ADM: variants seen among roughly 807,000 people sequenced by gnomAD.
ADM encodes the protein adrenomedullin, also known as pro-adrenomedullin.
Under a neutral mutation model 9.0 loss-of-function variants are expected in ADM, and 4 were observed. The observed-to-expected ratio is 0.44, with a 90% CI of 0.22 to 1.02. The LOEUF is 1.02. Ranked by LOEUF, ADM falls within the 50% of genes least tolerant of loss-of-function variation. The pLI, the probability that ADM is intolerant of heterozygous loss-of-function variation, is 0.24. For synonymous variants in ADM, 107 were observed against 107.2 expected (o/e 1.00, Z 0.01); for missense variants, 253 against 254.1 (o/e 1.00, Z 0.03).
In ADM at chr11:10,305,796, G is replaced by T; in HGVS notation, c.96G>T (p.Lys32Asn). 1 of 1,614,160 alleles carries T rather than the reference G, an allele frequency of 6.2e-7. No individual in the cohort carries two copies. The highest frequency in any genetic ancestry group is 2.2e-5 in the East Asian group (1 of 44,866). Reference protein sequence around the residue: ...ARLDVASEFRKKWNKWALSRG... With the variant: ...ARLDVASEFRNKWNKWALSRG... ...TGGATGTCGCGTCGGAGTTTCGAAA[G>T]AAGTGAGTCCGGGCAGCGCCTTCCC... Residue 32 changes from lysine (K) to asparagine (N), a missense_variant and splice_region_variant, in exon 2 of 4, where the codon AAG becomes AAT. Physicochemically the swap from Lys to Asn is moderately conservative, Grantham distance 94. Coordinates refer to ENST00000278175, the MANE Select transcript of ADM (RefSeq NM_001124.3).
In ADM at chr11:10,306,788, C is replaced by A; in HGVS notation, c.*147C>A. 1 of 798,736 alleles carries A rather than the reference C, an allele frequency of 1.3e-6. No individual in the cohort carries two copies. The highest frequency in any genetic ancestry group is 1.8e-6 in the Non-Finnish European group (1 of 541,418). 49.5% of individuals were successfully genotyped at this position (798,736 alleles called of 1,614,324 possible). A position where few individuals can be genotyped will look rare whatever the true frequency, so the allele number is the denominator to read the frequency against. On this transcript the variant is annotated 3_prime_UTR_variant, in exon 4 of 4. Transcript: ENST00000278175. ...CCGGGAGGCACCGTCCGGCGGCGAG[C>A]TCTGGCTTTGCAAGGGCCCCTCCTT...
chr11:10,306,389 C>G lies in ADM; in HGVS notation c.306C>G (p.Phe102Leu). 2 of 1,612,902 alleles carry G rather than the reference C, an allele frequency of 1.2e-6. No individual in the cohort carries two copies. Among genetic ancestry groups the G allele is most frequent in the Non-Finnish European group, 1.7e-6 (2 of 1,179,832 alleles). The change falls in exon 4 of 4, where the codon TTC becomes TTG. Residue 102 changes from phenylalanine (F) to leucine (L), a missense_variant. By Grantham distance (22) the Phe-to-Leu change is conservative (BLOSUM62 0). Transcript: ENST00000278175. ...VKRYRQSMNN[F>L]QGLRSFGCRF... ...GCTACCGCCAGAGCATGAACAACTT[C>G]CAGGGCCTCCGGAGCTTTGGCTGCC...
chr11:10,306,928 T>A lies in ADM; in HGVS notation c.*287T>A. 4 of 302,860 alleles carry A rather than the reference T, an allele frequency of 1.3e-5. No homozygotes were observed. The highest frequency in any genetic ancestry group is 2.4e-5 in the Non-Finnish European group (4 of 165,274). 18.8% of individuals were successfully genotyped at this position (302,860 alleles called of 1,614,324 possible). A position where few individuals can be genotyped will look rare whatever the true frequency, so the allele number is the denominator to read the frequency against. On this transcript the variant is annotated 3_prime_UTR_variant, in exon 4 of 4. Coordinates refer to ENST00000278175, the MANE Select transcript of ADM (RefSeq NM_001124.3). ...AGAGGAGAAACTGAGAAATGAATGC[T>A]GAGACCCCCGGAGCAGGGGTCTGAG...
chr11:10,305,567 G>A (rs1964644038), intron 1 of ADM, 113 bp from the exon 2 acceptor site: 2 of 840,812 alleles, frequency 2.4e-6, no homozygotes, highest in South Asian at 1.6e-5. Flanking sequence ...TCTGAGCCAG[G>A]GAAAGCGCGG....
At chr11:10,306,269 G>T (rs761211066) in intron 3 of ADM, 63 bp from the exon 4 acceptor site, 2 of 1,575,342 alleles carry the variant, frequency 1.3e-6, no homozygotes, top group Non-Finnish European at 1.7e-6. Flanking sequence ...TCCCGGTGTT[G>T]GGGCCAAAGC....
At chr11:10,305,822 C>G (rs370588606) in intron 2 of ADM, 24 bp downstream of exon 2, 1 of 1,613,700 alleles carries the variant, frequency 6.2e-7, no homozygotes, top group Non-Finnish European at 8.5e-7. Flanking sequence ...GCGCCTTCCC[C>G]CTTGCTGGTA....
chr11:10,306,292 G>T, intron 3 of ADM, 40 bp from the exon 4 acceptor site: 1 of 1,600,730 alleles, frequency 6.2e-7, no homozygotes, highest in South Asian at 1.1e-5. Context: ...TGCTTGATGG[G>T]GTCTCAAGTT....
At position 10,305,811 on chromosome 11, in the gene ADM, A is replaced by C; in HGVS notation, c.98+13A>C. 2.5e-6 allele frequency: 4 copies of C among 1,614,058 alleles called. No individual in the cohort carries two copies. Among genetic ancestry groups the C allele is most frequent in the Non-Finnish European group, 3.4e-6 (4 of 1,179,974 alleles). ...AGTTTCGAAAGAAGTGAGTCCGGGC[A>C]GCGCCTTCCCCCTTGCTGGTACCTG... On this transcript the variant is annotated intron_variant, in intron 2 of 3. Coordinates refer to ENST00000278175, the MANE Select transcript of ADM (RefSeq NM_001124.3).
intron 1 of ADM, 69 bp from the exon 2 acceptor site, chr11:10,305,611 C>G (rs1964644802): frequency 2.1e-6 from 3 of 1,433,424 alleles, no homozygotes; most frequent in Non-Finnish European, 2.9e-6. Flanking sequence ...CCTGCCCGCC[C>G]TCCGTGCCCC....
At chr11:10,306,311 T>TGG in intron 3 of ADM, 21 bp from the exon 4 acceptor site, 1 of 1,543,788 alleles carries the variant, frequency 6.5e-7, no homozygotes, top group Non-Finnish European at 8.9e-7. Flanking sequence ...TTGCCTTTCT[T>TGG]CCCCCTCCCC....
chr11:10,306,317 T>TCCCCCCCCCCCCCCCCCCCCCGCTG lies in ADM; in HGVS notation c.249-9_249-8insCCCCCCCCCCCCCCCGCTGCCCCCC. 1 of 636,202 alleles carries TCCCCCCCCCCCCCCCCCCCCCGCTG rather than the reference T, an allele frequency of 1.6e-6. No individual in the cohort carries two copies. 39.4% of individuals were successfully genotyped at this position (636,202 alleles called of 1,614,324 possible). A position where few individuals can be genotyped will look rare whatever the true frequency, so the allele number is the denominator to read the frequency against. On this transcript the variant is annotated splice_polypyrimidine_tract_variant and intron_variant, in intron 3 of 3. Transcript: ENST00000278175. ...GGTCTCAAGTTGCCTTTCTTCCCCC[T>TCCCCCCCCCCCCCCCCCCCCCGCTG]CCCCCCGCCCGCAGCAGTCCGGATG...
rs949039802 is a variant in ADM, at chr11:10,306,217, C to T, written c.249-115C>T. 2.0e-5 allele frequency: 30 copies of T among 1,533,176 alleles called. No homozygotes were observed. In the East Asian group the frequency reaches 7.0e-4, roughly 36 times the overall value. 95.0% of individuals were successfully genotyped at this position (1,533,176 alleles called of 1,614,324 possible). On this transcript the variant is annotated intron_variant, in intron 3 of 3. Transcript: ENST00000278175. ...GGGCTGGACCGCAGCTCAGATGGCG[C>T]GAGCAGTTTCCAGCTCCCTCTGGCT...
At position 10,306,536 on chromosome 11, in the gene ADM, G is replaced by A. The variant is rs1275931397; in HGVS notation, c.453G>A (p.Arg151=). The change falls in exon 4 of 4, where the codon CGG becomes CGA. Residue 151 remains arginine, a synonymous_variant. Coordinates refer to ENST00000278175, the MANE Select transcript of ADM (RefSeq NM_001124.3). The part of the protein sequence containing the change: ...ISPQGYGRRR[R]RSLPEAGPGR... ...CCCAGGGCTACGGCCGCCGGCGCCG[G>A]CGCTCCCTGCCCGAGGCCGGCCCGG... is the stretch of plus-strand genomic sequence containing the variant. The A allele has an allele frequency of 2.5e-6, 4 of 1,606,772 alleles. No individual in the cohort carries two copies. The highest frequency in any genetic ancestry group is 2.5e-6 in the Non-Finnish European group (3 of 1,176,494).
chr11:10,307,113 A>G lies in ADM; in HGVS notation c.*472A>G, dbSNP rs1964669712. On this transcript the variant is annotated 3_prime_UTR_variant, in exon 4 of 4. Coordinates refer to ENST00000278175, the MANE Select transcript of ADM (RefSeq NM_001124.3). This position sits in a 1 kb window ranked among gnomAD's most constrained non-coding sequence, Gnocchi z 4.5. Reference sequence around the variant, plus strand: ...ATCAATATTTAAGTTTGTTGCTGTCAAGATTTTTTTTGTAACTTCAAATAT... The same window carrying G: ...ATCAATATTTAAGTTTGTTGCTGTCGAGATTTTTTTTGTAACTTCAAATAT... 6.5e-6 allele frequency: 1 copy of G among 154,690 alleles called. No homozygotes were observed. Among genetic ancestry groups the G allele is most frequent in the South Asian group, 2.0e-4 (1 of 4,916 alleles). The allele number at this position is 154,690 out of a possible 1,614,324, so 9.6% of individuals were successfully genotyped here. A position where few individuals can be genotyped will look rare whatever the true frequency, so the allele number is the denominator to read the frequency against.
rs568338558 is a variant in ADM, at chr11:10,306,132, G to A, written c.248+34G>A. On this transcript the variant is annotated intron_variant, in intron 3 of 3. Coordinates refer to ENST00000278175, the MANE Select transcript of ADM (RefSeq NM_001124.3). ...GCCCTGTGCTGTCCAGGGACGGGAGGGAAGGAAGGTGTGCGGGAGGAGTTC... is the reference window on the plus strand; with the variant it reads ...GCCCTGTGCTGTCCAGGGACGGGAGAGAAGGAAGGTGTGCGGGAGGAGTTC... The A allele has an allele frequency of 7.8e-5, 126 of 1,607,576 alleles. No individual in the cohort carries two copies. The Middle Eastern group carries it at 2.7e-3, about 34-fold the overall frequency.
Position 10,306,612 on chromosome 11 carries a change from C to G in ADM, c.529C>G (p.Pro177Ala), listed in dbSNP as rs373720232. The change falls in exon 4 of 4, where the codon CCG (proline) becomes GCG (alanine). Residue 177 changes from proline (P) to alanine (A), a missense_variant. Pro to Ala is a conservative substitution (Grantham distance 27, BLOSUM62 -1). Coordinates refer to ENST00000278175, the MANE Select transcript of ADM (RefSeq NM_001124.3). ...ACAAGCACACGGGGCTCCAGCCCCC[C>G]CGAGTGGAAGTGCTCCCCACTTTCT... is the stretch of plus-strand genomic sequence containing the variant. ...KPQAHGAPAP[P>A]SGSAPHFL is the part of the protein sequence containing the mutation. The G allele has an allele frequency of 6.7e-5, 105 of 1,562,692 alleles. No individual in the cohort carries two copies. The highest frequency in any genetic ancestry group is 3.8e-4 in the Admixed American group (19 of 49,376).
rs1300822338 is a variant in ADM, at chr11:10,306,945, G to A, written c.*304G>A. ...ATGAATGCTGAGACCCCCGGAGCAG[G>A]GGTCTGAGCCACAGCCGTGCTCGCC... On this transcript the variant is annotated 3_prime_UTR_variant, in exon 4 of 4. Transcript: ENST00000278175. The A allele has an allele frequency of 1.4e-5, 4 of 294,360 alleles. No individual in the cohort carries two copies. In the South Asian group the frequency reaches 4.2e-4, roughly 31 times the overall value. The allele number at this position is 294,360 out of a possible 1,614,324, so 18.2% of individuals were successfully genotyped here.
Position 10,306,317 on chromosome 11 carries a change from T to TGGGGGGG in ADM, c.249-15_249-14insGGGGGGG. On this transcript the variant is annotated splice_polypyrimidine_tract_variant and intron_variant, in intron 3 of 3. Coordinates refer to ENST00000278175, the MANE Select transcript of ADM (RefSeq NM_001124.3). ...GGTCTCAAGTTGCCTTTCTTCCCCC[T>TGGGGGGG]CCCCCCGCCCGCAGCAGTCCGGATG... 7.9e-6 allele frequency: 5 copies of TGGGGGGG among 636,148 alleles called. No individual in the cohort carries two copies. Among genetic ancestry groups the TGGGGGGG allele is most frequent in the African/African-American group, 2.7e-5 (1 of 37,286 alleles). The allele number at this position is 636,148 out of a possible 1,614,324, so 39.4% of individuals were successfully genotyped here. A position where few individuals can be genotyped will look rare whatever the true frequency, so the allele number is the denominator to read the frequency against.
intron 2 of ADM, 58 bp from the exon 3 acceptor site, chr11:10,305,891 G>A: frequency 1.2e-6 from 2 of 1,612,120 alleles, no homozygotes; most frequent in Non-Finnish European, 1.7e-6. Flanking sequence ...AATGGGAGCA[G>A]GGACAGGCCT....
Sources: allele counts gnomAD v4.1 joint callset, GRCh38; gene constraint gnomAD v4.1.1; non-coding constraint Gnocchi (gnomAD v3.1); transcripts MANE v1.5; gene names NCBI Gene and HGNC (gene_info 2026-07-23, HGNC 2026-07-21).